CTLA4: variants seen among roughly 807,000 people sequenced by gnomAD.
CTLA4 encodes cytotoxic T-lymphocyte protein 4.
Under a neutral mutation model 20.4 loss-of-function variants are expected in CTLA4, and 3 were observed. The observed-to-expected ratio is 0.15, with a 90% confidence interval of 0.07 to 0.38. The LOEUF (loss-of-function observed/expected upper bound fraction) is 0.38, where lower values mean the gene tolerates loss of function less well. Ranked by LOEUF, CTLA4 falls within the 10% of genes least tolerant of loss-of-function variation. The pLI, the probability that CTLA4 is intolerant of heterozygous loss-of-function variation, is 1.00. For synonymous variants in CTLA4, 100 were observed against 105.2 expected, an observed-to-expected ratio of 0.95 and a Z score of 0.30; for missense variants, 184 against 276.8, an observed-to-expected ratio of 0.66 and a Z score of 2.38.
intron 1 of CTLA4, among the ~76,000 whole-genome samples, chr2:203,869,064 T>C (rs1688681151): frequency 6.6e-6 from 1 of 152,210 alleles, no homozygotes; most frequent in Non-Finnish European, 1.5e-5. Flanking sequence ...CTCCCAATAC[T>C]GGAAAGTTGA....
rs60872763 is a variant in CTLA4 at position 203,873,327 on chromosome 2, CATATATATATATATATAT to C, written c.*554_*571del. ...TGCTAAAGGTTGTATTGCATATATA[CATATATATATATATATAT>C]ATATATATATATATATATATATATA... is the stretch of plus-strand genomic sequence containing the variant. On this transcript the variant is annotated 3_prime_UTR_variant, in exon 4 of 4. Transcript: ENST00000648405. The C allele has an allele frequency of 0.012, 2,184 of 182,656 alleles. 32 individuals carry two copies. The highest frequency in any genetic ancestry group is 0.03 in the African/African-American group (917 of 30,572). The allele number at this position is 182,656 out of a possible 1,614,324, so 11.3% of individuals were successfully genotyped here. A position where few individuals can be genotyped will look rare whatever the true frequency, so the allele number is the denominator to read the frequency against.
Position 203,872,970 on chromosome 2 carries a change from T to C in CTLA4, c.*158T>C, listed in dbSNP as rs1051462909. On this transcript the variant is annotated 3_prime_UTR_variant, in exon 4 of 4. Coordinates refer to ENST00000648405, the MANE Select transcript of CTLA4 (RefSeq NM_005214.5). ...GATGCGGAACCCAAATTACGTGTAC[T>C]ACAATTTAAAGCAAAGGAGTAGAAA... 9.8e-6 allele frequency: 6 copies of C among 610,000 alleles called. No homozygotes were observed. Among genetic ancestry groups the C allele is most frequent in the Non-Finnish European group, 1.7e-5 (6 of 343,002 alleles). The allele number at this position is 610,000 out of a possible 1,614,324, so 37.8% of individuals were successfully genotyped here.
At chr2:203,869,946 C>T (rs1484430756) in intron 1 of CTLA4, among the ~76,000 whole-genome samples, 1 of 152,184 alleles carries the variant, frequency 6.6e-6, no homozygotes, top group East Asian at 1.9e-4. Flanking sequence ...GCCCTCGGCT[C>T]TGTGGCTTCC....
Position 203,873,850 on chromosome 2 carries a change from G to T in CTLA4, c.*1038G>T. ...CAGCAGGTGGCAGAATGGGGTGCAT[G>T]AAGGTTTCTGAAAATTAACACTGCT... On this transcript the variant is annotated 3_prime_UTR_variant, in exon 4 of 4. Transcript: ENST00000648405. 4.3e-6 allele frequency: 1 copy of T among 230,836 alleles called. No homozygotes were observed. Among genetic ancestry groups the T allele is most frequent in the Non-Finnish European group, 8.6e-6 (1 of 116,272 alleles). The allele number at this position is 230,836 out of a possible 1,614,324, so 14.3% of individuals were successfully genotyped here.
chr2:203,870,555 C>A lies in CTLA4; in HGVS notation c.110-31C>A. ...GCTTGGCCATGAAGGAGCATGAGTT[C>A]ACTGAGTTCCCTTTGGCTTTTCCAT... is the stretch of plus-strand genomic sequence containing the variant. On this transcript the variant is annotated intron_variant, in intron 1 of 3. Coordinates refer to ENST00000648405, the MANE Select transcript of CTLA4 (RefSeq NM_005214.5). The surrounding 1 kb of genome is among the most constrained non-coding windows in gnomAD (Gnocchi z 5.3). 6.2e-7 allele frequency: 1 copy of A among 1,602,704 alleles called. No individual in the cohort carries two copies. The highest frequency in any genetic ancestry group is 1.1e-5 in the South Asian group (1 of 89,848).
rs1217071867 is a variant in CTLA4, at chr2:203,873,674, C to T, written c.*862C>T. 4.5e-6 allele frequency: 1 copy of T among 221,264 alleles called. No individual in the cohort carries two copies. Among genetic ancestry groups the T allele is most frequent in the African/African-American group, 2.2e-5 (1 of 44,506 alleles). 13.7% of individuals were successfully genotyped at this position (221,264 alleles called of 1,614,324 possible). A position where few individuals can be genotyped will look rare whatever the true frequency, so the allele number is the denominator to read the frequency against. On this transcript the variant is annotated 3_prime_UTR_variant, in exon 4 of 4. Coordinates refer to ENST00000648405, the MANE Select transcript of CTLA4 (RefSeq NM_005214.5). ...CTTTCAATGGTTTGCAAGGAAGCCA[C>T]AGCTGGTGGTATCTGAGTTGACTTG...
chr2:203,872,857 C>G lies in CTLA4; in HGVS notation c.*45C>G. 1 of 1,275,326 alleles carries G rather than the reference C, an allele frequency of 7.8e-7. No individual in the cohort carries two copies. The highest frequency in any genetic ancestry group is 1.1e-6 in the Non-Finnish European group (1 of 877,214). The allele number at this position is 1,275,326 out of a possible 1,614,324, so 79.0% of individuals were successfully genotyped here. ...GAGTCCATATTTCAATTTCCAAGAG[C>G]TGAGGCAATTCTAACTTTTTTGCTA... is the stretch of plus-strand genomic sequence containing the variant. On this transcript the variant is annotated 3_prime_UTR_variant, in exon 4 of 4. Transcript: ENST00000648405.
Position 203,872,736 on chromosome 2 carries a change from G to A in CTLA4, c.596G>A (p.Gly199Glu), listed in dbSNP as rs2105777131. The A allele has an allele frequency of 2.5e-6, 4 of 1,612,708 alleles. No homozygotes were observed. Among genetic ancestry groups the A allele is most frequent in the Non-Finnish European group, 3.4e-6 (4 of 1,178,834 alleles). ...MLKKRSPLTTGVYVKMPPTEP... is the reference protein window; with the variant it reads ...MLKKRSPLTTEVYVKMPPTEP... Reference sequence around the variant, plus strand: ...AAGAAAAGAAGCCCTCTTACAACAGGGGTCTATGTGAAAATGCCCCCAACA... The same window carrying A: ...AAGAAAAGAAGCCCTCTTACAACAGAGGTCTATGTGAAAATGCCCCCAACA... Residue 199 changes from glycine (G) to glutamate (E), a missense_variant, in exon 4 of 4, where the codon GGG becomes GAG. Physicochemically the swap from Gly to Glu is moderately conservative, Grantham distance 98 (BLOSUM62 -2). Around this residue, in one of 3 missense-constraint regions of CTLA4, gnomAD observed 147 missense variants for 223.4 expected, o/e 0.66. Coordinates refer to ENST00000648405, the MANE Select transcript of CTLA4 (RefSeq NM_005214.5).
rs1688759705 is a variant in CTLA4 at position 203,872,897 on chromosome 2, T to C, written c.*85T>C. The C allele has an allele frequency of 1.1e-6, 1 of 900,486 alleles. No individual in the cohort carries two copies. Among genetic ancestry groups the C allele is most frequent in the Non-Finnish European group, 1.8e-6 (1 of 558,198 alleles). 55.8% of individuals were successfully genotyped at this position (900,486 alleles called of 1,614,324 possible). ...CTTTTTTGCTATCCAGCTATTTTTA[T>C]TTGTTTGTGCATTTGGGGGGAATTC... On this transcript the variant is annotated 3_prime_UTR_variant, in exon 4 of 4. Coordinates refer to ENST00000648405, the MANE Select transcript of CTLA4 (RefSeq NM_005214.5).
In CTLA4 at chr2:203,870,434, G is replaced by A. The variant is rs780660957; in HGVS notation, c.110-152G>A. ...ACAGTTGAGAGATGGAGGGGAGGCTGGGGGTGTGGAGAGGGGAAGGGGTAA... is the reference window on the plus strand; with the variant it reads ...ACAGTTGAGAGATGGAGGGGAGGCTAGGGGTGTGGAGAGGGGAAGGGGTAA... On this transcript the variant is annotated intron_variant, in intron 1 of 3. Coordinates refer to ENST00000648405, the MANE Select transcript of CTLA4 (RefSeq NM_005214.5). The surrounding 1 kb of genome is among the most constrained non-coding windows in gnomAD (Gnocchi z 5.3). The A allele has an allele frequency of 7.4e-6, 5 of 672,126 alleles. No homozygotes were observed. Among genetic ancestry groups the A allele is most frequent in the Non-Finnish European group, 1.3e-5 (5 of 399,984 alleles). The allele number at this position is 672,126 out of a possible 1,614,324, so 41.6% of individuals were successfully genotyped here.
At chr2:203,871,263 AG>A in intron 2 of CTLA4, 114 bp from the exon 3 acceptor site, 2 of 849,734 alleles carry the variant, frequency 2.4e-6, no homozygotes, top group Non-Finnish European at 3.8e-6. Flanking sequence ...CATGCAATTT[AG>A]GGGTGGACCT....
rs1688763634 is a variant in CTLA4 at position 203,873,122 on chromosome 2, G to A, written c.*310G>A. 2 of 503,578 alleles carry A rather than the reference G, an allele frequency of 4.0e-6. No homozygotes were observed. Among genetic ancestry groups the A allele is most frequent in the South Asian group, 8.4e-5 (2 of 23,826 alleles). 31.2% of individuals were successfully genotyped at this position (503,578 alleles called of 1,614,324 possible). ...AAGTTAGGGAATGGCACAGCCCAAA[G>A]AAGGAAAAGGCAGGGAGCGAGGGAG... is the stretch of plus-strand genomic sequence containing the variant. On this transcript the variant is annotated 3_prime_UTR_variant, in exon 4 of 4. Coordinates refer to ENST00000648405, the MANE Select transcript of CTLA4 (RefSeq NM_005214.5).
Position 203,870,342 on chromosome 2 carries a change from C to G in CTLA4, c.110-244C>G. 1 of 543,118 alleles carries G rather than the reference C, an allele frequency of 1.8e-6. No individual in the cohort carries two copies. Among genetic ancestry groups the G allele is most frequent in the Non-Finnish European group, 3.3e-6 (1 of 304,426 alleles). 33.6% of individuals were successfully genotyped at this position (543,118 alleles called of 1,614,324 possible). A position where few individuals can be genotyped will look rare whatever the true frequency, so the allele number is the denominator to read the frequency against. ...TCTGTTTGTCATATCAGTGTTCTTC[C>G]TGCCACAACCATCTTGAAGAATCTA... On this transcript the variant is annotated intron_variant, in intron 1 of 3. Coordinates refer to ENST00000648405, the MANE Select transcript of CTLA4 (RefSeq NM_005214.5). This position sits in a 1 kb window ranked among gnomAD's most constrained non-coding sequence, Gnocchi z 5.3.
chr2:203,871,331 G>C, intron 2 of CTLA4, 47 bp from the exon 3 acceptor site: 1 of 1,509,172 alleles, frequency 6.6e-7, no homozygotes. Context: ...TAGAGCCCTA[G>C]AGTTTAAAAC....
At chr2:203,869,788 C>T (rs757740476) in intron 1 of CTLA4, among the ~76,000 whole-genome samples, 1 of 152,094 alleles carries the variant, frequency 6.6e-6, no homozygotes, top group Admixed American at 6.5e-5. Context: ...GAGCTGGTCT[C>T]CTTTATCCTG....
rs1559592236 is a variant in CTLA4 at position 203,871,801 on chromosome 2, T to C, written c.567+314T>C. On this transcript the variant is annotated intron_variant, in intron 3 of 3. Transcript: ENST00000648405. ...GTCTTCATGACAACTGTACTTAAGCTAACAGCCCTGAAACATGAGATTAGG... is the reference window on the plus strand; with the variant it reads ...GTCTTCATGACAACTGTACTTAAGCCAACAGCCCTGAAACATGAGATTAGG... 2.6e-5 allele frequency among the ~76,000 whole-genome samples: 4 copies of C among 152,222 alleles called. No homozygotes were observed. The South Asian group carries it at 8.3e-4, about 32-fold the overall frequency.
rs1688701298 is a variant in CTLA4, at chr2:203,870,156, A to T, written c.110-430A>T. ...CAGAATTTCCCCTACCACTCATTAT[A>T]GTTCCGGAGCTATATAGCTCCTATC... On this transcript the variant is annotated intron_variant, in intron 1 of 3. Transcript: ENST00000648405. The surrounding 1 kb of genome is among the most constrained non-coding windows in gnomAD (Gnocchi z 5.3). 5.7e-6 allele frequency: 1 copy of T among 173,994 alleles called. No homozygotes were observed. The highest frequency in any genetic ancestry group is 2.4e-5 in the African/African-American group (1 of 41,632). 10.8% of individuals were successfully genotyped at this position (173,994 alleles called of 1,614,324 possible).
In CTLA4 at chr2:203,873,773, C is replaced by A. The variant is rs56217811; in HGVS notation, c.*961C>A. On this transcript the variant is annotated 3_prime_UTR_variant, in exon 4 of 4. Coordinates refer to ENST00000648405, the MANE Select transcript of CTLA4 (RefSeq NM_005214.5). ...TATGACCTTCTAGGAAGCTCCAGTT[C>A]GATGGGCCCAATTCTTACAAACATG... The A allele has an allele frequency of 4.4e-6, 1 of 226,808 alleles. No individual in the cohort carries two copies. The highest frequency in any genetic ancestry group is 8.8e-6 in the Non-Finnish European group (1 of 113,806). The allele number at this position is 226,808 out of a possible 1,614,324, so 14.0% of individuals were successfully genotyped here. A position where few individuals can be genotyped will look rare whatever the true frequency, so the allele number is the denominator to read the frequency against.
chr2:203,871,041 C>T (rs2105775638), intron 2 of CTLA4, 108 bp downstream of exon 2: 1 of 910,296 alleles, frequency 1.1e-6, no homozygotes, highest in African/African-American at 1.7e-5. Context: ...GGACTGTGGA[C>T]ATTCTCTTTA....
Sources: gnomAD v4.1 joint callset for allele counts (sites outside exome capture counted in the v4.1 genomes callset) on GRCh38, gnomAD v4.1.1 for gene constraint, gnomAD v4.1.1 regional missense constraint, Gnocchi (gnomAD v3.1) non-coding constraint, MANE v1.5 for transcripts, NCBI Gene and HGNC (gene_info 2026-07-23, HGNC 2026-07-21) for gene names.